SH3KBP1: variants seen among roughly 807,000 people sequenced by gnomAD.
The protein encoded by SH3KBP1 is SH3 domain containing kinase binding protein 1, also known as SH3 domain-containing kinase-binding protein 1.
A neutral mutation model predicts 50.1 loss-of-function variants in SH3KBP1; 8 were observed. The observed-to-expected ratio is 0.16, with a 90% CI of 0.09 to 0.29. The LOEUF is 0.29. SH3KBP1 is among the 10% of genes least tolerant of loss of function. SH3KBP1 has a pLI of 1.00. For missense variants in SH3KBP1, 377 were observed against 535.2 expected, an observed-to-expected ratio of 0.70 and a Z score of 2.92; for synonymous variants, 227 against 218.6, an observed-to-expected ratio of 1.04 and a Z score of -0.34.
At chrX:19,542,485 C>G (rs2064949625) in intron 15 of SH3KBP1, among the ~76,000 whole-genome samples, 1 of 112,081 alleles carries the variant, frequency 8.9e-6, no homozygotes, top group East Asian at 2.8e-4. Context: ...GCACCACAAA[C>G]TCTGAAGTGA....
Position 19,871,822 on chromosome X carries a change from C to T in SH3KBP1, c.4+15485G>A, listed in dbSNP as rs186211223. Among the ~76,000 whole-genome samples, 375 of 111,229 alleles carry T rather than the reference C, an allele frequency of 3.4e-3. 2 individuals carry two copies. The highest frequency in any genetic ancestry group is 0.012 in the African/African-American group (356 of 30,617). ...AACCACAAGGGGATTATTACAGCCA[C>T]GACCTTTCCCTTGCCAGCAAGGGAC... On this transcript the variant is annotated intron_variant, in intron 1 of 17. Coordinates refer to ENST00000397821, the MANE Select transcript of SH3KBP1 (RefSeq NM_031892.3).
At chrX:19,748,365 T>C (rs1797075048) in intron 2 of SH3KBP1, among the ~76,000 whole-genome samples, 1 of 111,406 alleles carries the variant, frequency 9.0e-6, no homozygotes, top group Non-Finnish European at 1.9e-5. Flanking sequence ...GGGTGGTCCC[T>C]GGAGAAAGCC....
intron 14 of SH3KBP1, among the ~76,000 whole-genome samples, chrX:19,548,409 G>C (rs1602423857): frequency 9.0e-6 from 1 of 111,255 alleles, no homozygotes; most frequent in Non-Finnish European, 1.9e-5. Flanking sequence ...GAGATACTAA[G>C]AGCCAACTAA....
intron 2 of SH3KBP1, among the ~76,000 whole-genome samples, chrX:19,789,299 T>A (rs955305714): frequency 9.0e-6 from 1 of 111,401 alleles, no homozygotes; most frequent in African/African-American, 3.3e-5. Context: ...AGGCACTGTG[T>A]CCACTCTTCT....
intron 8 of SH3KBP1, among the ~76,000 whole-genome samples, chrX:19,617,729 G>A (rs2067660200): frequency 9.0e-6 from 1 of 111,726 alleles, no homozygotes; most frequent in African/African-American, 3.3e-5. Flanking sequence ...CATACTGCTG[G>A]AGGCCAAAGG....
chrX:19,826,657 T>C (rs776867764), intron 2 of SH3KBP1, among the ~76,000 whole-genome samples: 2 of 110,293 alleles, frequency 1.8e-5, no homozygotes, highest in Non-Finnish European at 3.8e-5. Context: ...CACTCCAGCC[T>C]AGGCTATGGA....
chrX:19,828,427 C>G (rs2067756979), intron 2 of SH3KBP1, among the ~76,000 whole-genome samples: 1 of 112,019 alleles, frequency 8.9e-6, no homozygotes, highest in Admixed American at 9.5e-5. Context: ...AATCCCAACA[C>G]TTGGGCAGGC....
chrX:19,585,176 A>G (rs1021932265), intron 12 of SH3KBP1, among the ~76,000 whole-genome samples: 2 of 112,049 alleles, frequency 1.8e-5, no homozygotes, highest in Non-Finnish European at 3.8e-5. Context: ...TCCATGGCAT[A>G]ATAGGTTACT....
At chrX:19,783,744 TA>T (rs1158316897) in intron 2 of SH3KBP1, among the ~76,000 whole-genome samples, 6 of 110,648 alleles carry the variant, frequency 5.4e-5, no homozygotes, top group African/African-American at 9.9e-5. Context: ...AGAAAACAAA[TA>T]AAAAAAAACT....
At chrX:19,790,229 C>T (rs995803558) in intron 2 of SH3KBP1, among the ~76,000 whole-genome samples, 1 of 112,110 alleles carries the variant, frequency 8.9e-6, no homozygotes, top group African/African-American at 3.2e-5. Context: ...TGGCAGCTGC[C>T]GTACCCACCA....
At chrX:19,751,766 C>T (rs2053685234) in intron 2 of SH3KBP1, among the ~76,000 whole-genome samples, 1 of 112,106 alleles carries the variant, frequency 8.9e-6, no homozygotes, top group African/African-American at 3.2e-5. Context: ...TGGGATGGCT[C>T]ACCCACATTC....
chrX:19,733,178 G>A (rs1378604457), intron 3 of SH3KBP1, among the ~76,000 whole-genome samples: 1 of 111,718 alleles, frequency 9.0e-6, no homozygotes. Flanking sequence ...TTAGAAAAAT[G>A]TTAATTCTTC....
chrX:19,626,429 G>A (rs2068023663), intron 8 of SH3KBP1, among the ~76,000 whole-genome samples: 1 of 111,458 alleles, frequency 9.0e-6, no homozygotes, highest in African/African-American at 3.3e-5. Flanking sequence ...AACGAACATT[G>A]TGAGGGGAAG....
chrX:19,880,383 G>A (rs1421173212), intron 1 of SH3KBP1, among the ~76,000 whole-genome samples: 1 of 112,517 alleles, frequency 8.9e-6, no homozygotes, highest in Non-Finnish European at 1.9e-5. Context: ...CTTACTGTAT[G>A]CCAGGCAATG....
At chrX:19,618,087 G>GA (rs1233409564) in intron 8 of SH3KBP1, among the ~76,000 whole-genome samples, 1 of 110,714 alleles carries the variant, frequency 9.0e-6, no homozygotes, top group Non-Finnish European at 1.9e-5. Flanking sequence ...TTTCCTCTTA[G>GA]AAAAAGATGT....
At chrX:19,806,649 A>G (rs2067055907) in intron 2 of SH3KBP1, among the ~76,000 whole-genome samples, 1 of 111,619 alleles carries the variant, frequency 9.0e-6, no homozygotes, top group African/African-American at 3.3e-5. Context: ...CTATACAATA[A>G]CACTGTATAG....
chrX:19,601,035 G>C (rs1381857483), intron 9 of SH3KBP1, among the ~76,000 whole-genome samples: 3 of 111,062 alleles, frequency 2.7e-5, no homozygotes, highest in African/African-American at 9.8e-5. Flanking sequence ...GAATATAATG[G>C]TAACAAAGTC....
intron 6 of SH3KBP1, among the ~76,000 whole-genome samples, chrX:19,677,943 T>C (rs772448688): frequency 1.8e-5 from 2 of 112,075 alleles, no homozygotes; most frequent in South Asian, 7.4e-4. Flanking sequence ...AAGAAAAATA[T>C]ACTGGGCGTG....
At chrX:19,541,374 G>C (rs1405032889) in intron 16 of SH3KBP1, among the ~76,000 whole-genome samples, 1 of 111,877 alleles carries the variant, frequency 8.9e-6, no homozygotes, top group Admixed American at 9.5e-5. Context: ...CATGCAGGAA[G>C]AAAGACCCCC....
Sources: gnomAD v4.1 joint callset for allele counts (sites outside exome capture counted in the v4.1 genomes callset) on GRCh38, gnomAD v4.1.1 for gene constraint, MANE v1.5 for transcripts, NCBI Gene and HGNC (gene_info 2026-07-23, HGNC 2026-07-21) for gene names.